The following USP35 variants were observed in gnomAD, a reference collection of about 807,000 sequenced individuals.
The protein encoded by USP35 is ubiquitin carboxyl-terminal hydrolase 35.
Under a neutral mutation model 83.8 loss-of-function variants are expected in USP35, and 69 were observed. The observed-to-expected ratio is 0.82, with a 90% confidence interval of 0.68 to 1.01. The LOEUF (loss-of-function observed/expected upper bound fraction) is 1.01. USP35 is among the 50% of genes least tolerant of loss of function. USP35 has a pLI of 0.00. For synonymous variants in USP35, 714 were observed against 589.5 expected, an observed-to-expected ratio of 1.21 and a Z score of -3.06; for missense variants, 1,503 against 1,362.5, an observed-to-expected ratio of 1.10 and a Z score of -1.62.
chr11:78,213,920 C>T lies in USP35; in HGVS notation c.*107C>T. 1.6e-6 allele frequency: 2 copies of T among 1,274,990 alleles called. No individual in the cohort carries two copies. Among genetic ancestry groups the T allele is most frequent in the Admixed American group, 6.6e-5 (2 of 30,294 alleles). The allele number at this position is 1,274,990 out of a possible 1,614,324, so 79.0% of individuals were successfully genotyped here. A position where few individuals can be genotyped will look rare whatever the true frequency, so the allele number is the denominator to read the frequency against. On this transcript the variant is annotated 3_prime_UTR_variant, in exon 11 of 11. Coordinates refer to ENST00000529308, the MANE Select transcript of USP35 (RefSeq NM_020798.4). Reference sequence around the variant, plus strand: ...AGAGGAAGGATGGTACAGCTCATGGCACCTTAGTCCTCAGCCTGATGAAGG... The same window carrying T: ...AGAGGAAGGATGGTACAGCTCATGGTACCTTAGTCCTCAGCCTGATGAAGG...
chr11:78,228,776 G>A, the USP35 span, among the ~76,000 whole-genome samples: 7 of 151,006 alleles, frequency 4.6e-5, no homozygotes, highest in Admixed American at 4.0e-4. Context: ...ACAGCCATGG[G>A]CTTGGATGAT....
Position 78,213,800 on chromosome 11 carries a change from G to T in USP35, c.3044G>T (p.Arg1015Ile). 6.4e-7 allele frequency: 1 copy of T among 1,553,894 alleles called. No homozygotes were observed. Residue 1015 changes from arginine to isoleucine, a missense_variant, in exon 11 of 11, where the codon AGA (arginine) becomes ATA (isoleucine). Coordinates refer to ENST00000529308, the MANE Select transcript of USP35 (RefSeq NM_020798.4). ...GGTGGCAATGGTGGTGACTTCCACA[G>T]ACTGGTCTTCTAATGTGAACCTGCT... ...PAGGNGGDFH[R>I]LVF
At chr11:78,207,354 C>G in intron 7 of USP35, 176 bp from the exon 8 acceptor site, 1 of 614,360 alleles carries the variant, frequency 1.6e-6, no homozygotes, top group South Asian at 1.9e-5. Context: ...TCAGATACCC[C>G]AGGCTGAGTT....
chr11:78,232,562 A>T, the USP35 span, among the ~76,000 whole-genome samples: 1 of 152,244 alleles, frequency 6.6e-6, no homozygotes, highest in Non-Finnish European at 1.5e-5. Flanking sequence ...TACTTATTTT[A>T]GCTCAGTGGA....
At chr11:78,221,992 T>C in the USP35 span, 1 of 770,556 alleles carries the variant, frequency 1.3e-6, no homozygotes, top group Non-Finnish European at 2.3e-6. Context: ...GATCAGCTAA[T>C]GATAGCGTTA....
chr11:78,217,404 A>C (rs1450614949), downstream of USP35: 2 of 152,226 alleles, frequency 1.3e-5, no homozygotes, highest in Non-Finnish European at 2.9e-5. Context: ...CTCTTGAAGA[A>C]ATAACTTCTT....
intron 8 of USP35, 145 bp downstream of exon 8, chr11:78,207,768 G>A: frequency 1.2e-6 from 1 of 835,090 alleles, no homozygotes; most frequent in Non-Finnish European, 1.9e-6. Context: ...GCTGGCATAT[G>A]GAACTGATTT....
chr11:78,235,094 A>G, the USP35 span, among the ~76,000 whole-genome samples: 1 of 152,084 alleles, frequency 6.6e-6, no homozygotes, highest in Non-Finnish European at 1.5e-5. Context: ...GATTAACATT[A>G]GGCTCCTTGC....
At chr11:78,226,750 C>G in the USP35 span, 2 of 1,613,986 alleles carry the variant, frequency 1.2e-6, no homozygotes, top group East Asian at 4.5e-5. Context: ...ACCAGGAGGT[C>G]CCCGAACTCC....
intron 10 of USP35, among the ~76,000 whole-genome samples, chr11:78,211,204 T>A (rs1387724847): frequency 4.6e-5 from 7 of 151,626 alleles, no homozygotes; most frequent in Non-Finnish European, 8.8e-5. Context: ...GCATGCGGTA[T>A]TTGGTTTTCT....
At chr11:78,204,048 G>A (rs1156408309) in intron 6 of USP35, among the ~76,000 whole-genome samples, 8 of 150,896 alleles carry the variant, frequency 5.3e-5, no homozygotes, top group Non-Finnish European at 1.0e-4. Flanking sequence ...CCGCCACTAC[G>A]CCCGGCTAAT....
At chr11:78,212,408 G>C (rs1414152755) in intron 10 of USP35, among the ~76,000 whole-genome samples, 1 of 152,104 alleles carries the variant, frequency 6.6e-6, no homozygotes, top group Non-Finnish European at 1.5e-5. Flanking sequence ...GCTTAGGATG[G>C]TCTTGGCTAT....
At chr11:78,234,103 C>T in the USP35 span, among the ~76,000 whole-genome samples, 2 of 152,002 alleles carry the variant, frequency 1.3e-5, no homozygotes, top group Non-Finnish European at 2.9e-5. Flanking sequence ...TATTTAAATA[C>T]AGGGTCTTAT....
In USP35 at chr11:78,196,752, G is replaced by C; in HGVS notation, c.507G>C (p.Val169=). The C allele has an allele frequency of 6.5e-7, 1 of 1,532,356 alleles. No individual in the cohort carries two copies. Among genetic ancestry groups the C allele is most frequent in the Non-Finnish European group, 8.7e-7 (1 of 1,145,436 alleles). The allele number at this position is 1,532,356 out of a possible 1,614,324, so 94.9% of individuals were successfully genotyped here. A position where few individuals can be genotyped will look rare whatever the true frequency, so the allele number is the denominator to read the frequency against. The change falls in exon 2 of 11, where the codon GTG becomes GTC. Residue 169 remains valine (V), a synonymous_variant. Coordinates refer to ENST00000529308, the MANE Select transcript of USP35 (RefSeq NM_020798.4). This position sits in a 1 kb window ranked among gnomAD's most constrained non-coding sequence, Gnocchi z 4.8. ...GCCTGCTCTTCTGCCAGCAGCTGGT[G>C]CGTTGCCTCGGCCGCTTCCGCTGCC... ...PHRLLFCQQL[V]RCLGRFRCPA...
chr11:78,215,776 A>C (rs1864095733), downstream of USP35: 1 of 148,568 alleles, frequency 6.7e-6, no homozygotes, highest in East Asian at 2.0e-4. Context: ...ACGACCCCCC[A>C]CGGAAGGGCT....
At chr11:78,202,144 G>A (rs573164875) in intron 6 of USP35, among the ~76,000 whole-genome samples, 90 of 152,344 alleles carry the variant, frequency 5.9e-4, no homozygotes, top group South Asian at 3.1e-3. Flanking sequence ...AGGCAAGTGC[G>A]TGGCTGAGAT....
intron 9 of USP35, 104 bp from the exon 10 acceptor site, chr11:78,209,344 T>C: frequency 8.0e-7 from 1 of 1,252,522 alleles, no homozygotes; most frequent in Non-Finnish European, 1.1e-6. Flanking sequence ...TTTGTGTGCG[T>C]CTCAATGTGT....
chr11:78,190,525 G>A (rs1036763585), intron 1 of USP35, among the ~76,000 whole-genome samples: 2 of 152,172 alleles, frequency 1.3e-5, no homozygotes, highest in Non-Finnish European at 2.9e-5. Context: ...GTTGCTTGAC[G>A]CACCTTCACG....
At chr11:78,202,176 G>T (rs1431755252) in intron 6 of USP35, among the ~76,000 whole-genome samples, 6 of 152,220 alleles carry the variant, frequency 3.9e-5, no homozygotes, top group African/African-American at 1.4e-4. Flanking sequence ...GTCACAAAGG[G>T]ACTTGAGTTG....
Sources: gnomAD v4.1 joint callset for allele counts (sites outside exome capture counted in the v4.1 genomes callset) on GRCh38, gnomAD v4.1.1 for gene constraint, Gnocchi (gnomAD v3.1) non-coding constraint, MANE v1.5 for transcripts, NCBI Gene and HGNC (gene_info 2026-07-23, HGNC 2026-07-21) for gene names.